Variants in NELL2 observed in about 807,000 individuals in gnomAD.
The protein encoded by NELL2 is protein kinase C-binding protein NELL2.
A neutral mutation model predicts 109.6 loss-of-function variants in NELL2; 41 were observed. That is an observed-to-expected ratio of 0.37 (90% CI 0.29 to 0.49). The LOEUF is 0.49. Ranked by LOEUF, NELL2 falls within the 20% of genes least tolerant of loss-of-function variation. NELL2 has a pLI of 0.98. For missense variants in NELL2, 900 were observed against 1,008.3 expected (o/e 0.89, Z 1.45); for synonymous variants, 355 against 344.7 (o/e 1.03, Z -0.33).
intron 18 of NELL2, 123 bp downstream of exon 18, chr12:44,521,877 A>G (rs1308201901): frequency 1.7e-5 from 15 of 885,034 alleles, no homozygotes; most frequent in Non-Finnish European, 2.4e-5. Flanking sequence ...AACCAGGCTC[A>G]CTGTTTATAA....
intron 9 of NELL2, among the ~76,000 whole-genome samples, chr12:44,727,929 A>C (rs1939167238): frequency 6.6e-6 from 1 of 152,046 alleles, no homozygotes. Context: ...ATAATCCTTC[A>C]TGTCTTCAGT....
intron 15 of NELL2, among the ~76,000 whole-genome samples, chr12:44,547,820 C>T (rs2136159984): frequency 6.6e-6 from 1 of 152,260 alleles, no homozygotes. Context: ...ATGCTTTTGC[C>T]AACATGACTT....
chr12:44,753,663 T>C (rs1940754907), intron 9 of NELL2, among the ~76,000 whole-genome samples: 1 of 152,170 alleles, frequency 6.6e-6, no homozygotes. Flanking sequence ...AGGACTATTC[T>C]AGGGATTTAA....
At chr12:44,617,092 T>C (rs1191551271) in intron 13 of NELL2, among the ~76,000 whole-genome samples, 1 of 152,176 alleles carries the variant, frequency 6.6e-6, no homozygotes, top group East Asian at 1.9e-4. Context: ...TTCTCCCTTC[T>C]TCCTTCCTTC....
chr12:44,874,779 T>C (rs1439049602), intron 2 of NELL2, among the ~76,000 whole-genome samples: 1 of 152,230 alleles, frequency 6.6e-6, no homozygotes, highest in East Asian at 1.9e-4. Context: ...GAGGCATTAA[T>C]TTTTCCAGAA....
intron 9 of NELL2, among the ~76,000 whole-genome samples, chr12:44,730,694 G>T (rs2136472614): frequency 6.6e-6 from 1 of 151,910 alleles, no homozygotes; most frequent in East Asian, 1.9e-4. Flanking sequence ...AGATCTCAAA[G>T]AACCTAACTA....
intron 5 of NELL2, among the ~76,000 whole-genome samples, 167 bp downstream of exon 5, chr12:44,779,496 T>C (rs1318276723): frequency 6.6e-6 from 1 of 152,098 alleles, no homozygotes; most frequent in Non-Finnish European, 1.5e-5. Flanking sequence ...GAAGAGAAAA[T>C]AATGTTTGCT....
At chr12:44,806,215 A>G (rs1942994535) in intron 3 of NELL2, among the ~76,000 whole-genome samples, 1 of 151,868 alleles carries the variant, frequency 6.6e-6, no homozygotes. Flanking sequence ...TGGAAAATTG[A>G]CAATGCATAT....
intron 12 of NELL2, among the ~76,000 whole-genome samples, chr12:44,665,917 G>A (rs1947909763): frequency 6.6e-6 from 1 of 152,140 alleles, no homozygotes; most frequent in Non-Finnish European, 1.5e-5. Context: ...TGCAAAGACT[G>A]GGCTGCCTTA....
At chr12:44,670,693 A>G (rs1948108762) in intron 12 of NELL2, among the ~76,000 whole-genome samples, 1 of 152,026 alleles carries the variant, frequency 6.6e-6, no homozygotes, top group Non-Finnish European at 1.5e-5. Flanking sequence ...TAAAAAACAT[A>G]AAAAGGGCCA....
intron 12 of NELL2, among the ~76,000 whole-genome samples, chr12:44,666,660 T>C (rs1305627674): frequency 6.6e-6 from 1 of 152,218 alleles, no homozygotes; most frequent in African/African-American, 2.4e-5. Context: ...AGGGTTCTTA[T>C]CATTCATCTG....
intron 2 of NELL2, among the ~76,000 whole-genome samples, chr12:44,821,587 T>C (rs1943544268): frequency 6.6e-6 from 1 of 152,248 alleles, no homozygotes; most frequent in Non-Finnish European, 1.5e-5. Context: ...GATTACATAA[T>C]GTTCAGAGAC....
chr12:44,691,034 T>C (rs2136394895), intron 12 of NELL2, among the ~76,000 whole-genome samples: 1 of 152,288 alleles, frequency 6.6e-6, no homozygotes, highest in African/African-American at 2.4e-5. Flanking sequence ...GTCATTAAGT[T>C]GAGGGGGGAA....
intron 15 of NELL2, among the ~76,000 whole-genome samples, chr12:44,570,251 T>G (rs1188148572): frequency 6.6e-6 from 1 of 152,166 alleles, no homozygotes; most frequent in Non-Finnish European, 1.5e-5. Flanking sequence ...AAAAGGAAAT[T>G]TAATCGTGTT....
chr12:44,543,363 C>G (rs1942660136), intron 15 of NELL2, among the ~76,000 whole-genome samples: 1 of 152,142 alleles, frequency 6.6e-6, no homozygotes, highest in Non-Finnish European at 1.5e-5. Flanking sequence ...TAGCTTGATA[C>G]TTACCACTCC....
At chr12:44,890,773 C>G (rs1325719849) in intron 1 of NELL2, among the ~76,000 whole-genome samples, 4 of 151,694 alleles carry the variant, frequency 2.6e-5, no homozygotes, top group Non-Finnish European at 4.4e-5. Context: ...CTCTGTCACC[C>G]AGGCTGGAGT....
intron 9 of NELL2, among the ~76,000 whole-genome samples, chr12:44,714,962 G>A (rs574608679): frequency 3.3e-5 from 5 of 151,592 alleles, no homozygotes; most frequent in African/African-American, 7.3e-5. Context: ...AAAGATAAAG[G>A]GCAATGACAT....
chr12:44,816,106 G>C lies in NELL2; in HGVS notation c.215C>G (p.Ala72Gly). ...CTTCTGAAAAAACTGTTCAGCTGTA[G>C]CAGTGGATGCTTTTATGCTTCTGGG... ...DTPRSIKAST[A>G]TAEQFFQKLR... The change falls in exon 3 of 20, where the codon GCT becomes GGT. Residue 72 changes from alanine to glycine, a missense_variant. Around this residue, in one of 4 missense-constraint regions of NELL2, gnomAD observed 200 missense variants for 191.8 expected, o/e 1.04. Coordinates refer to ENST00000429094, the MANE Select transcript of NELL2 (RefSeq NM_001145108.2). 1.9e-6 allele frequency: 3 copies of C among 1,612,068 alleles called. No individual in the cohort carries two copies. The African/African-American group carries it at 4.0e-5, about 22-fold the overall frequency.
chr12:44,752,048 T>TGCAGCCCGTGGGCCACAG (rs1174969689), intron 9 of NELL2, among the ~76,000 whole-genome samples: 1 of 152,202 alleles, frequency 6.6e-6, no homozygotes, highest in African/African-American at 2.4e-5. Flanking sequence ...CTGGGCTGCA[T>TGCAGCCCGTGGGCCACAG]GCAGCCCGTG....
Sources: gnomAD v4.1 joint callset for allele counts (sites outside exome capture counted in the v4.1 genomes callset) on GRCh38, gnomAD v4.1.1 for gene constraint, gnomAD v4.1.1 regional missense constraint, MANE v1.5 for transcripts, NCBI Gene and HGNC (gene_info 2026-07-23, HGNC 2026-07-21) for gene names.